The following AGBL1 variants were observed in gnomAD, a reference collection of about 807,000 sequenced individuals.
AGBL1 encodes AGBL carboxypeptidase 1, also known as cytosolic carboxypeptidase 4.
AGBL1 carries 130 observed loss-of-function variants against 118.9 expected under a neutral mutation model. That is an observed-to-expected ratio of 1.09 (90% CI 0.95 to 1.26). The LOEUF (loss-of-function observed/expected upper bound fraction) is 1.26. Among genes scored for constraint, AGBL1 ranks in the 50% most tolerant of loss-of-function variants. AGBL1 has a pLI of 0.00. For missense variants in AGBL1, 1,584 were observed against 1,298.1 expected (o/e 1.22, Z -3.38); for synonymous variants, 555 against 478.9 (o/e 1.16, Z -2.08).
At chr15:86,254,196 T>C (rs2078860053) in intron 7 of AGBL1, among the ~76,000 whole-genome samples, 1 of 152,250 alleles carries the variant, frequency 6.6e-6, no homozygotes, top group African/African-American at 2.4e-5. Context: ...CCTAGGAGAC[T>C]TTATGAAACT....
chr15:86,848,670 G>C (rs1273956450), intron 22 of AGBL1, among the ~76,000 whole-genome samples: 1 of 152,190 alleles, frequency 6.6e-6, no homozygotes, highest in Non-Finnish European at 1.5e-5. Context: ...AGCAATGAGA[G>C]TTGAGCCTTT....
chr15:86,862,171 A>G (rs1596562506), intron 22 of AGBL1, among the ~76,000 whole-genome samples: 3 of 152,214 alleles, frequency 2.0e-5, no homozygotes, highest in Admixed American at 6.5e-5. Flanking sequence ...CATAGTCTCT[A>G]CGCAGAGTAA....
chr15:86,375,037 T>A (rs2081022541), intron 17 of AGBL1, among the ~76,000 whole-genome samples: 1 of 152,220 alleles, frequency 6.6e-6, no homozygotes, highest in Non-Finnish European at 1.5e-5. Flanking sequence ...CTTTGTGGAA[T>A]CTGTCACACT....
Position 86,174,568 on chromosome 15 carries a change from A to G in AGBL1, c.488+15542A>G, listed in dbSNP as rs149576537. Among the ~76,000 whole-genome samples the G allele has an allele frequency of 7.9e-5, 12 of 152,194 alleles. No individual in the cohort carries two copies. The East Asian group carries it at 2.1e-3, about 27-fold the overall frequency. ...TTCTCTCAGCTTTTCTCCATTTATT[A>G]TGATACTAGCTGGGTTTGTCACATG... On this transcript the variant is annotated intron_variant, in intron 5 of 22. Transcript: ENST00000614907.
intron 23 of AGBL1, among the ~76,000 whole-genome samples, chr15:86,962,498 T>C (rs1197737405): frequency 6.6e-6 from 1 of 152,072 alleles, no homozygotes; most frequent in Non-Finnish European, 1.5e-5. Context: ...ATGCCACATA[T>C]TCGTTTCACC....
At chr15:86,498,353 G>A (rs1185559964) in intron 18 of AGBL1, among the ~76,000 whole-genome samples, 1 of 151,874 alleles carries the variant, frequency 6.6e-6, no homozygotes, top group Non-Finnish European at 1.5e-5. Context: ...ACTCATTTGA[G>A]TGCCTGGTAC....
At chr15:86,666,031 A>T (rs1011319391) in intron 21 of AGBL1, among the ~76,000 whole-genome samples, 7 of 152,036 alleles carry the variant, frequency 4.6e-5, no homozygotes, top group African/African-American at 1.7e-4. Context: ...AATAGTTTTT[A>T]CTTTTTATTC....
intron 18 of AGBL1, among the ~76,000 whole-genome samples, chr15:86,454,497 A>G (rs752645883): frequency 3.3e-5 from 5 of 152,190 alleles, no homozygotes; most frequent in Non-Finnish European, 5.9e-5. Context: ...GAAGTCACCA[A>G]ATATTTATCA....
intron 1 of AGBL1, among the ~76,000 whole-genome samples, chr15:86,141,375 G>A (rs572190171): frequency 7.3e-4 from 111 of 152,284 alleles, no homozygotes; most frequent in Middle Eastern, 6.8e-3. Flanking sequence ...AAAATAAGCC[G>A]GCCGGGTGTG....
At chr15:86,338,003 C>G (rs1314971557) in intron 17 of AGBL1, among the ~76,000 whole-genome samples, 2 of 151,824 alleles carry the variant, frequency 1.3e-5, no homozygotes, top group African/African-American at 4.8e-5. Flanking sequence ...GAGTAGGAAG[C>G]AAAAAAGATA....
At chr15:86,941,332 C>G (rs2080749110) in intron 23 of AGBL1, among the ~76,000 whole-genome samples, 1 of 152,218 alleles carries the variant, frequency 6.6e-6, no homozygotes, top group Non-Finnish European at 1.5e-5. Flanking sequence ...AGGAGAAAAA[C>G]TACACAGTAC....
At chr15:86,451,739 T>A (rs2082196317) in intron 18 of AGBL1, among the ~76,000 whole-genome samples, 1 of 152,096 alleles carries the variant, frequency 6.6e-6, no homozygotes, top group Non-Finnish European at 1.5e-5. Context: ...ATGTCTCCCT[T>A]TTTCTCCAGG....
At chr15:86,641,287 A>G (rs1014587041) in intron 21 of AGBL1, among the ~76,000 whole-genome samples, 7 of 152,126 alleles carry the variant, frequency 4.6e-5, no homozygotes, top group African/African-American at 1.7e-4. Context: ...ATTGTAAAAT[A>G]TTTTGTGCAC....
At chr15:86,170,885 C>CAAAAA (rs34169705) in intron 5 of AGBL1, among the ~76,000 whole-genome samples, 39 of 137,160 alleles carry the variant, frequency 2.8e-4, no homozygotes, top group African/African-American at 9.7e-4. Context: ...AAACCAATGA[C>CAAAAA]AAAAAAAAAA....
intron 23 of AGBL1, among the ~76,000 whole-genome samples, chr15:86,933,819 A>T (rs1213333211): frequency 1.3e-5 from 2 of 152,340 alleles, no homozygotes; most frequent in African/African-American, 4.8e-5. Context: ...AATGCATATA[A>T]CATAGGCTCC....
At chr15:86,176,288 G>C (rs1355925967) in intron 5 of AGBL1, among the ~76,000 whole-genome samples, 1 of 152,072 alleles carries the variant, frequency 6.6e-6, no homozygotes, top group Non-Finnish European at 1.5e-5. Context: ...AGATGGTGTG[G>C]TCATGGTGGT....
At chr15:86,653,640 C>G (rs2142500329) in intron 21 of AGBL1, among the ~76,000 whole-genome samples, 1 of 152,276 alleles carries the variant, frequency 6.6e-6, no homozygotes, top group Middle Eastern at 3.4e-3. Context: ...TTCACCCTAC[C>G]TATGCCATCC....
intron 21 of AGBL1, among the ~76,000 whole-genome samples, chr15:86,582,218 T>A (rs1484119669): frequency 6.6e-6 from 1 of 152,196 alleles, no homozygotes; most frequent in East Asian, 1.9e-4. Context: ...GTTTCTCAGG[T>A]TCACTCTTTG....
intron 22 of AGBL1, among the ~76,000 whole-genome samples, chr15:86,899,012 A>G (rs1343613130): frequency 6.6e-6 from 1 of 152,238 alleles, no homozygotes; most frequent in African/African-American, 2.4e-5. Flanking sequence ...CAGAACTACC[A>G]TTCAACCCAG....
Sources: allele counts gnomAD v4.1 joint callset (sites outside exome capture counted in the v4.1 genomes callset), GRCh38; gene constraint gnomAD v4.1.1; transcripts MANE v1.5; gene names NCBI Gene and HGNC (gene_info 2026-07-23, HGNC 2026-07-21).